The following ZNF891 variants were observed in gnomAD, a reference collection of about 807,000 sequenced individuals.
ZNF891 encodes the protein zinc finger protein 891, also known as hCG1646157.
For missense variants in ZNF891, 589 were observed against 632.7 expected (o/e 0.93, Z 0.74); for synonymous variants, 199 against 209.0 (o/e 0.95, Z 0.41).
intron 1 of ZNF891, 65 bp from the exon 2 acceptor site, chr12:133,122,089 A>G (rs966615305): frequency 1.5e-5 from 21 of 1,392,296 alleles, no homozygotes; most frequent in Non-Finnish European, 2.0e-5. Context: ...ACTTGGGGAA[A>G]GGTGAATACA....
intron 1 of ZNF891, chr12:133,122,356 G>T: frequency 2.4e-6 from 1 of 423,270 alleles, no homozygotes; most frequent in Non-Finnish European, 3.2e-6. Flanking sequence ...TGTACTATTT[G>T]CTACTTTTTT....
In ZNF891 at chr12:133,105,310, CTTTA is replaced by C. The variant is rs1955551822; in HGVS notation, c.*14970_*14973del. On this transcript the variant is annotated 3_prime_UTR_variant, in exon 2 of 2. Coordinates refer to ENST00000537226, the MANE Select transcript of ZNF891 (RefSeq NM_001277291.2). ...TCAATTACTTACGTTTACACTTTCT[CTTTA>C]TTTACCTATATGTCTATCTCTGTTT... 2.0e-5 allele frequency among the ~76,000 whole-genome samples: 3 copies of C among 152,180 alleles called. No individual in the cohort carries two copies. Among genetic ancestry groups the C allele is most frequent in the Non-Finnish European group, 4.4e-5 (3 of 68,028 alleles).
At chr12:133,124,547 A>C (rs1955796358) in intron 1 of ZNF891, among the ~76,000 whole-genome samples, 1 of 151,934 alleles carries the variant, frequency 6.6e-6, no homozygotes, top group African/African-American at 2.4e-5. Flanking sequence ...AATATCAAGA[A>C]TAATGTGTAA....
At position 133,111,961 on chromosome 12, in the gene ZNF891, AT is replaced by A; in HGVS notation, c.*8322del. 6.6e-6 allele frequency: 1 copy of A among 152,318 alleles called. No homozygotes were observed. The highest frequency in any genetic ancestry group is 1.5e-5 in the Non-Finnish European group (1 of 68,022). The allele number at this position is 152,318 out of a possible 1,614,324, so 9.4% of individuals were successfully genotyped here. Reference sequence around the variant, plus strand: ...TCTCTCAAGATTTTTTTATACAAAAATGTGATCTTTTTAAAACAAATAATTT... The same window carrying A: ...TCTCTCAAGATTTTTTTATACAAAAAGTGATCTTTTTAAAACAAATAATTT... On this transcript the variant is annotated 3_prime_UTR_variant, in exon 2 of 2. Coordinates refer to ENST00000537226, the MANE Select transcript of ZNF891 (RefSeq NM_001277291.2).
At chr12:133,129,502 C>CA (rs35653414) in intron 1 of ZNF891, among the ~76,000 whole-genome samples, 7,350 of 92,536 alleles carry the variant, frequency 0.079, 740 homozygotes, top group African/African-American at 0.25. Flanking sequence ...AACTCTGTCT[C>CA]AAAAAAAAAA....
rs1955694129 is a variant in ZNF891 at position 133,112,977 on chromosome 12, T to C, written c.*7307A>G. On this transcript the variant is annotated 3_prime_UTR_variant, in exon 2 of 2. Transcript: ENST00000537226. ...GGGAGGCTGAGGCAGGAGAATGGCATGAACCCAGGAGGTGGAGCTTGCGGT... is the reference window on the plus strand; with the variant it reads ...GGGAGGCTGAGGCAGGAGAATGGCACGAACCCAGGAGGTGGAGCTTGCGGT... 6.6e-6 allele frequency: 1 copy of C among 151,672 alleles called. No individual in the cohort carries two copies. The highest frequency in any genetic ancestry group is 2.4e-5 in the African/African-American group (1 of 41,298). 9.4% of individuals were successfully genotyped at this position (151,672 alleles called of 1,614,324 possible).
rs2137616201 is a variant in ZNF891 at position 133,118,626 on chromosome 12, C to T, written c.*1658G>A. The T allele has an allele frequency of 6.6e-6, 1 of 152,294 alleles. No homozygotes were observed. 9.4% of individuals were successfully genotyped at this position (152,294 alleles called of 1,614,324 possible). A position where few individuals can be genotyped will look rare whatever the true frequency, so the allele number is the denominator to read the frequency against. The stretch of plus-strand genomic sequence containing the variant: ...TCTGCAAGATCAAGCAGCAAAATCT[C>T]ATGCTTTACTTAGCATTTAAAATTG... On this transcript the variant is annotated 3_prime_UTR_variant, in exon 2 of 2. Coordinates refer to ENST00000537226, the MANE Select transcript of ZNF891 (RefSeq NM_001277291.2).
At chr12:133,123,794 T>C (rs1593828958) in intron 1 of ZNF891, among the ~76,000 whole-genome samples, 1 of 151,862 alleles carries the variant, frequency 6.6e-6, no homozygotes, top group Non-Finnish European at 1.5e-5. Flanking sequence ...AGAAAATCTG[T>C]TTGCCTTGTA....
Position 133,105,890 on chromosome 12 carries a change from GTGAAACACCAAA to G in ZNF891, c.*14382_*14393del, listed in dbSNP as rs757403379. On this transcript the variant is annotated 3_prime_UTR_variant, in exon 2 of 2. Transcript: ENST00000537226. ...AACCTTTAGCCAGATTTCAAACCTT[GTGAAACACCAAA>G]TGATACATACTGGAAAGAAACCCCA... The G allele has an allele frequency of 3.1e-6, 5 of 1,614,096 alleles. No individual in the cohort carries two copies. The highest frequency in any genetic ancestry group is 3.3e-5 in the Admixed American group (2 of 60,022).
In ZNF891 at chr12:133,108,731, C is replaced by T. The variant is rs1462199516; in HGVS notation, c.*11553G>A. The T allele has an allele frequency of 6.6e-6, 1 of 152,134 alleles. No individual in the cohort carries two copies. Among genetic ancestry groups the T allele is most frequent in the Non-Finnish European group, 1.5e-5 (1 of 68,018 alleles). The allele number at this position is 152,134 out of a possible 1,614,324, so 9.4% of individuals were successfully genotyped here. ...CAATCTCCAATTAACCAAAGTGATA[C>T]AAACACAGTGATTTGGGAATGCCTT... On this transcript the variant is annotated 3_prime_UTR_variant, in exon 2 of 2. Coordinates refer to ENST00000537226, the MANE Select transcript of ZNF891 (RefSeq NM_001277291.2).
At chr12:133,124,615 C>T (rs1298557915) in intron 1 of ZNF891, among the ~76,000 whole-genome samples, 1 of 151,468 alleles carries the variant, frequency 6.6e-6, no homozygotes, top group East Asian at 2.0e-4. Flanking sequence ...ATCAATTATA[C>T]TGACTACAGA....
rs1299746567 is a variant in ZNF891, at chr12:133,119,559, A to T, written c.*725T>A. On this transcript the variant is annotated 3_prime_UTR_variant, in exon 2 of 2. Transcript: ENST00000537226. Reference sequence around the variant, plus strand: ...CTCCATCTCAAAAAACAAACAAAAAACCTTATTTTTCTCATGTAGGAACAT... The same window carrying T: ...CTCCATCTCAAAAAACAAACAAAAATCCTTATTTTTCTCATGTAGGAACAT... 6.6e-6 allele frequency: 1 copy of T among 151,768 alleles called. No individual in the cohort carries two copies. Among genetic ancestry groups the T allele is most frequent in the Non-Finnish European group, 1.5e-5 (1 of 67,896 alleles). 9.4% of individuals were successfully genotyped at this position (151,768 alleles called of 1,614,324 possible). A position where few individuals can be genotyped will look rare whatever the true frequency, so the allele number is the denominator to read the frequency against.
At position 133,115,390 on chromosome 12, in the gene ZNF891, CAAAAAAAAAAAAAAA is replaced by C. The variant is rs550203150; in HGVS notation, c.*4879_*4893del. 2.9e-5 allele frequency: 1 copy of C among 34,352 alleles called. No homozygotes were observed. The highest frequency in any genetic ancestry group is 9.1e-5 in the African/African-American group (1 of 11,046). The allele number at this position is 34,352 out of a possible 1,614,324, so 2.1% of individuals were successfully genotyped here. On this transcript the variant is annotated 3_prime_UTR_variant, in exon 2 of 2. Coordinates refer to ENST00000537226, the MANE Select transcript of ZNF891 (RefSeq NM_001277291.2). Reference sequence around the variant, plus strand: ...CCTGGGAAAAAGCAAAACTCCTTCTCAAAAAAAAAAAAAAAAAAAAAAAAAAGATGTGGGATAAAA... The same window carrying C: ...CCTGGGAAAAAGCAAAACTCCTTCTCAAAAAAAAAAAGATGTGGGATAAAA...
Position 133,120,192 on chromosome 12 carries a change from C to T in ZNF891, c.*92G>A. The stretch of plus-strand genomic sequence containing the variant: ...TATTAAAAAAAGAGCCATTTGTAAC[C>T]TTAAATCGTTCTTTTAGAGAACAAA... On this transcript the variant is annotated 3_prime_UTR_variant, in exon 2 of 2. Coordinates refer to ENST00000537226, the MANE Select transcript of ZNF891 (RefSeq NM_001277291.2). 9.3e-7 allele frequency: 1 copy of T among 1,074,778 alleles called. No individual in the cohort carries two copies. Among genetic ancestry groups the T allele is most frequent in the South Asian group, 2.0e-5 (1 of 49,554 alleles). 66.6% of individuals were successfully genotyped at this position (1,074,778 alleles called of 1,614,324 possible). A position where few individuals can be genotyped will look rare whatever the true frequency, so the allele number is the denominator to read the frequency against.
chr12:133,129,599 G>C (rs1202685677), intron 1 of ZNF891, among the ~76,000 whole-genome samples: 1 of 151,998 alleles, frequency 6.6e-6, no homozygotes, highest in Non-Finnish European at 1.5e-5. Context: ...GCGGGGGGCG[G>C]TGAGGGGTGG....
In ZNF891 at chr12:133,114,599, A is replaced by G. The variant is rs1341581690; in HGVS notation, c.*5685T>C. 2.6e-5 allele frequency: 4 copies of G among 152,268 alleles called. No homozygotes were observed. Among genetic ancestry groups the G allele is most frequent in the Non-Finnish European group, 4.4e-5 (3 of 68,056 alleles). The allele number at this position is 152,268 out of a possible 1,614,324, so 9.4% of individuals were successfully genotyped here. On this transcript the variant is annotated 3_prime_UTR_variant, in exon 2 of 2. Transcript: ENST00000537226. ...CCTACACTGGGCCAAGTAATAAAAC[A>G]ATGAAAAATTTAGACAAAGTTCCCA...
chr12:133,124,391 C>A (rs954667738), intron 1 of ZNF891, among the ~76,000 whole-genome samples: 1 of 151,898 alleles, frequency 6.6e-6, no homozygotes, highest in African/African-American at 2.4e-5. Context: ...AGAAAAGAAG[C>A]AATGTGAGAT....
rs1368960554 is a variant in ZNF891 at position 133,114,674 on chromosome 12, C to G, written c.*5610G>C. The G allele has an allele frequency of 6.6e-6, 1 of 152,100 alleles. No homozygotes were observed. Among genetic ancestry groups the G allele is most frequent in the African/African-American group, 2.4e-5 (1 of 41,392 alleles). The allele number at this position is 152,100 out of a possible 1,614,324, so 9.4% of individuals were successfully genotyped here. ...GGGCACAATACACAAACAGGCAATA[C>G]AGTGTGAAAGTGTGACAAGTATTGT... On this transcript the variant is annotated 3_prime_UTR_variant, in exon 2 of 2. Transcript: ENST00000537226.
rs981360119 is a variant in ZNF891, at chr12:133,115,801, A to G, written c.*4483T>C. On this transcript the variant is annotated 3_prime_UTR_variant, in exon 2 of 2. Transcript: ENST00000537226. ...GTACAGGATGAGTATTCCTTATTCA[A>G]AACACTTGGGACCAGAACTGTTTTG... The G allele has an allele frequency of 5.3e-5, 8 of 152,192 alleles. No homozygotes were observed. Among genetic ancestry groups the G allele is most frequent in the African/African-American group, 1.4e-4 (6 of 41,440 alleles). The allele number at this position is 152,192 out of a possible 1,614,324, so 9.4% of individuals were successfully genotyped here. A position where few individuals can be genotyped will look rare whatever the true frequency, so the allele number is the denominator to read the frequency against.
Sources: gnomAD v4.1 joint callset for allele counts (sites outside exome capture counted in the v4.1 genomes callset) on GRCh38, gnomAD v4.1.1 for gene constraint, MANE v1.5 for transcripts, NCBI Gene and HGNC (gene_info 2026-07-23, HGNC 2026-07-21) for gene names.